The following STPG2 variants were observed in gnomAD, a reference collection of about 807,000 sequenced individuals.
STPG2 encodes sperm tail PG-rich repeat containing 2.
STPG2 carries 56 observed loss-of-function variants against 54.2 expected under a neutral mutation model. The ratio of observed to expected loss-of-function variants is 1.03; its 90% CI spans 0.83 to 1.29. The LOEUF (loss-of-function observed/expected upper bound fraction) is 1.29, where lower values mean the gene tolerates loss of function less well. Among genes scored for constraint, STPG2 ranks in the 50% most tolerant of loss-of-function variants. The probability of loss-of-function intolerance (pLI) is 0.00; values close to 1 mark genes in which losing one functional copy is unlikely to be tolerated. For missense variants in STPG2, 596 were observed against 544.9 expected (o/e 1.09, Z -0.93); for synonymous variants, 200 against 181.8 (o/e 1.10, Z -0.81).
intron 9 of STPG2, among the ~76,000 whole-genome samples, chr4:97,779,640 A>G (rs1726531408): frequency 6.6e-6 from 1 of 152,210 alleles, no homozygotes; most frequent in Admixed American, 6.5e-5. Context: ...CAGTTTCACC[A>G]AAGTTCAAAT....
At chr4:97,489,014 G>GT (rs972512540) in intron 4 of STPG2, among the ~76,000 whole-genome samples, 4 of 151,692 alleles carry the variant, frequency 2.6e-5, no homozygotes, top group Non-Finnish European at 5.9e-5. Flanking sequence ...GAAGAACCCA[G>GT]TGGGAGGTCA....
chr4:98,088,482 T>C (rs1163600202), intron 5 of STPG2, among the ~76,000 whole-genome samples: 4 of 152,076 alleles, frequency 2.6e-5, no homozygotes, highest in African/African-American at 9.7e-5. Flanking sequence ...ATGAAACTAG[T>C]GTAATGCTGA....
intron 9 of STPG2, among the ~76,000 whole-genome samples, chr4:97,739,330 A>C (rs1725136737): frequency 6.6e-6 from 1 of 152,142 alleles, no homozygotes. Flanking sequence ...AAACACATTC[A>C]AAAGCTAGCA....
At chr4:97,845,881 G>A (rs1321623319) in intron 8 of STPG2, among the ~76,000 whole-genome samples, 2 of 152,124 alleles carry the variant, frequency 1.3e-5, no homozygotes, top group Admixed American at 6.5e-5. Flanking sequence ...CTAAGTCTGG[G>A]CAAGGACTAA....
At chr4:97,490,665 G>A (rs929076392) in intron 4 of STPG2, among the ~76,000 whole-genome samples, 1 of 151,658 alleles carries the variant, frequency 6.6e-6, no homozygotes, top group African/African-American at 2.4e-5. Context: ...CTGTCTGCAT[G>A]TATAGGTTGG....
chr4:97,601,234 G>A (rs554324657), intron 10 of STPG2, among the ~76,000 whole-genome samples: 16 of 152,076 alleles, frequency 1.1e-4, no homozygotes, highest in Admixed American at 2.0e-4. Flanking sequence ...AGAGATGAAT[G>A]CCTTTAAGTC....
intron 8 of STPG2, among the ~76,000 whole-genome samples, chr4:97,867,977 G>A (rs972658997): frequency 6.6e-6 from 1 of 151,868 alleles, no homozygotes; most frequent in African/African-American, 2.4e-5. Context: ...AAAATTAGGG[G>A]TTTTATTTTT....
At chr4:97,810,994 T>G (rs9995370) in intron 9 of STPG2, among the ~76,000 whole-genome samples, 59,872 of 151,946 alleles carry the variant, frequency 0.39, 11,921 homozygotes, top group Middle Eastern at 0.46. Context: ...TATATTCTTT[T>G]GTTCACTTCT....
At chr4:97,714,808 T>C (rs1306557836) in intron 9 of STPG2, among the ~76,000 whole-genome samples, 1 of 152,156 alleles carries the variant, frequency 6.6e-6, no homozygotes, top group Non-Finnish European at 1.5e-5. Context: ...TTGAAAATTG[T>C]AGTTTTAACC....
intron 8 of STPG2, among the ~76,000 whole-genome samples, chr4:97,907,971 G>A (rs1731511972): frequency 6.6e-6 from 1 of 152,172 alleles, no homozygotes; most frequent in Non-Finnish European, 1.5e-5. Flanking sequence ...AGGTCTTCAT[G>A]TCTAAAACAC....
At chr4:98,040,823 T>A (rs1736930876) in intron 5 of STPG2, among the ~76,000 whole-genome samples, 1 of 151,902 alleles carries the variant, frequency 6.6e-6, no homozygotes, top group African/African-American at 2.4e-5. Context: ...TGTTTCCATA[T>A]GAGTTTTTAG....
chr4:97,693,530 T>C (rs1011564420), intron 10 of STPG2, among the ~76,000 whole-genome samples: 1 of 152,088 alleles, frequency 6.6e-6, no homozygotes, highest in African/African-American at 2.4e-5. Context: ...CCCAAATTTA[T>C]AAAACAATTA....
At chr4:97,905,532 G>C (rs1731373563) in intron 8 of STPG2, among the ~76,000 whole-genome samples, 1 of 151,864 alleles carries the variant, frequency 6.6e-6, no homozygotes, top group Admixed American at 6.6e-5. Context: ...TCGAGACTAG[G>C]AAGAAACTGC....
chr4:98,097,932 G>T (rs1034139774), intron 5 of STPG2, among the ~76,000 whole-genome samples: 2 of 152,018 alleles, frequency 1.3e-5, no homozygotes, highest in African/African-American at 4.8e-5. Context: ...AAAGACCTCT[G>T]CAATGAAAGC....
intron 8 of STPG2, among the ~76,000 whole-genome samples, chr4:97,925,621 C>G (rs141485555): frequency 6.6e-6 from 1 of 152,138 alleles, no homozygotes; most frequent in Non-Finnish European, 1.5e-5. Flanking sequence ...GTCCAAGAAT[C>G]TAAGAATTTT....
chr4:97,992,350 T>C (rs910498373), intron 5 of STPG2, among the ~76,000 whole-genome samples: 2 of 152,172 alleles, frequency 1.3e-5, no homozygotes, highest in African/African-American at 2.4e-5. Flanking sequence ...ATTTGTTGAA[T>C]AGGGTGTCCT....
chr4:97,540,613 T>TAACTCA (rs1247295374), intron 4 of STPG2, among the ~76,000 whole-genome samples: 1 of 150,334 alleles, frequency 6.7e-6, no homozygotes, highest in Non-Finnish European at 1.5e-5. Flanking sequence ...GAATCCTCCC[T>TAACTCA]CTTTTATGAG....
intron 5 of STPG2, among the ~76,000 whole-genome samples, chr4:97,985,957 CACACACACACACAT>C (rs879907822): frequency 4.2e-5 from 6 of 144,320 alleles, no homozygotes; most frequent in Non-Finnish European, 9.5e-5. Flanking sequence ...CAAACACACA[CACACACACACACAT>C]ACACACACAC....
intron 9 of STPG2, among the ~76,000 whole-genome samples, chr4:97,750,033 G>T (rs146553262): frequency 6.6e-6 from 1 of 151,680 alleles, no homozygotes; most frequent in African/African-American, 2.4e-5. Context: ...CCAAAACCAT[G>T]CATATAATAC....
Sources: allele counts gnomAD v4.1 joint callset (sites outside exome capture counted in the v4.1 genomes callset), GRCh38; gene constraint gnomAD v4.1.1; transcripts MANE v1.5; gene names NCBI Gene and HGNC (gene_info 2026-07-23, HGNC 2026-07-21).